RYR3: variants seen among roughly 807,000 people sequenced by gnomAD.
The protein encoded by RYR3 is ryanodine receptor 3.
RYR3 carries 207 observed loss-of-function variants against 584.3 expected under a neutral mutation model. That is an observed-to-expected ratio of 0.35 (90% confidence interval 0.32 to 0.40). The LOEUF (loss-of-function observed/expected upper bound fraction) is 0.40, where lower values mean the gene tolerates loss of function less well. Among genes scored for constraint, RYR3 ranks in the 10% least tolerant of loss-of-function variants. The pLI, the probability that RYR3 is intolerant of heterozygous loss-of-function variation, is 1.00. For missense variants in RYR3, 5,616 were observed against 6,089.2 expected, an observed-to-expected ratio of 0.92 and a Z score of 2.59; for synonymous variants, 2,416 against 2,248.5, an observed-to-expected ratio of 1.07 and a Z score of -2.11.
At chr15:33,489,654 G>C (rs1225350935) in intron 2 of RYR3, among the ~76,000 whole-genome samples, 6 of 152,104 alleles carry the variant, frequency 3.9e-5, no homozygotes, top group African/African-American at 1.4e-4. Context: ...TGTGAATAGT[G>C]CTACAATGAA....
intron 98 of RYR3, chr15:33,855,847 A>G (rs1264288213): frequency 1.3e-5 from 2 of 152,242 alleles, no homozygotes; most frequent in African/African-American, 2.4e-5. Context: ...GGCTATAACC[A>G]TATTAAAATC....
At chr15:33,721,940 G>A (rs2067960580) in intron 43 of RYR3, among the ~76,000 whole-genome samples, 1 of 152,096 alleles carries the variant, frequency 6.6e-6, no homozygotes, top group Non-Finnish European at 1.5e-5. Context: ...AAATGCCACA[G>A]AATACAATTC....
chr15:33,654,123 G>T (rs1461575197), intron 32 of RYR3, among the ~76,000 whole-genome samples: 1 of 152,140 alleles, frequency 6.6e-6, no homozygotes, highest in East Asian at 1.9e-4. Flanking sequence ...AGAGAACGCT[G>T]TACGAGTTCA....
chr15:33,769,161 A>G lies in RYR3; in HGVS notation c.8805A>G (p.Thr2935=). The change falls in exon 62 of 104, where the codon ACA becomes ACG. Residue 2935 remains threonine (T), a synonymous_variant. Transcript: ENST00000634891. ...GCTGTCTTCACATCTTAGCTCAGAC[A>G]CTTGACACAAGGTAAGTCTGCCCAG... The part of the protein sequence containing the change: ...MVSCLHILAQ[T]LDTRTVMKSG... 1.2e-6 allele frequency: 2 copies of G among 1,613,006 alleles called. No homozygotes were observed. The highest frequency in any genetic ancestry group is 8.5e-7 in the Non-Finnish European group (1 of 1,179,072).
chr15:33,400,480 G>C (rs2042580991), intron 1 of RYR3, among the ~76,000 whole-genome samples: 2 of 152,166 alleles, frequency 1.3e-5, no homozygotes, highest in South Asian at 4.2e-4. Context: ...CACGTGCTGG[G>C]GGAAAAGCAG....
chr15:33,545,808 G>T (rs1246834471), intron 8 of RYR3, among the ~76,000 whole-genome samples: 1 of 152,162 alleles, frequency 6.6e-6, no homozygotes, highest in Non-Finnish European at 1.5e-5. Flanking sequence ...AGGCATGCAG[G>T]TGTTCCATTG....
intron 1 of RYR3, among the ~76,000 whole-genome samples, chr15:33,407,173 G>A (rs2043082284): frequency 6.6e-6 from 1 of 152,214 alleles, no homozygotes; most frequent in Non-Finnish European, 1.5e-5. Context: ...ATTCATGAGG[G>A]CTTTGCCCTC....
At chr15:33,859,484 C>T (rs117620972) in intron 99 of RYR3, 91 bp from the exon 100 acceptor site, 6 of 1,473,086 alleles carry the variant, frequency 4.1e-6, no homozygotes, top group South Asian at 1.2e-5. Flanking sequence ...AGGGCTGCCA[C>T]AATCTGACCG....
chr15:33,788,762 C>T (rs977556723), intron 67 of RYR3, among the ~76,000 whole-genome samples: 1 of 152,202 alleles, frequency 6.6e-6, no homozygotes, highest in Non-Finnish European at 1.5e-5. Context: ...CTCTGCTGTT[C>T]ACTAACGTAT....
At chr15:33,409,425 T>C (rs1596014426) in intron 1 of RYR3, among the ~76,000 whole-genome samples, 1 of 151,752 alleles carries the variant, frequency 6.6e-6, no homozygotes, top group East Asian at 1.9e-4. Context: ...AGCTCTCTAC[T>C]CTCTGATACT....
At chr15:33,449,418 A>G (rs914547860) in intron 1 of RYR3, among the ~76,000 whole-genome samples, 26 of 152,190 alleles carry the variant, frequency 1.7e-4, no homozygotes, top group Admixed American at 1.4e-3. Context: ...AATCTTGGCA[A>G]TGACATCGTG....
At chr15:33,831,413 T>A (rs1372665847) in intron 86 of RYR3, among the ~76,000 whole-genome samples, 1 of 152,230 alleles carries the variant, frequency 6.6e-6, no homozygotes, top group Non-Finnish European at 1.5e-5. Context: ...TCTAGAAAAA[T>A]GTCTGGCATA....
chr15:33,738,307 G>C (rs947431273), intron 49 of RYR3, 143 bp from the exon 50 acceptor site: 4 of 769,602 alleles, frequency 5.2e-6, no homozygotes, highest in Admixed American at 5.6e-5. Context: ...TGTTTGAAGG[G>C]CCTCTTTGTA....
intron 38 of RYR3, among the ~76,000 whole-genome samples, chr15:33,688,668 C>A (rs113986258): frequency 2.6e-5 from 4 of 151,612 alleles, no homozygotes; most frequent in African/African-American, 9.7e-5. Context: ...ATCAAAACCA[C>A]AATGAAATAT....
At chr15:33,750,124 G>T in intron 56 of RYR3, 39 bp from the exon 57 acceptor site, 1 of 1,607,776 alleles carries the variant, frequency 6.2e-7, no homozygotes, top group Non-Finnish European at 8.5e-7. Context: ...GAAGTGCAAA[G>T]GAAGAGCCAA....
rs114694205 is a variant in RYR3 at position 33,860,680 on chromosome 15, A to C, written c.14364+21A>C. ...TGGAGGTAATGTTACTCTAACTACT[A>C]ATCCCAGCTCTATTTTAATATCCCC... is the stretch of plus-strand genomic sequence containing the variant. On this transcript the variant is annotated intron_variant, in intron 101 of 103. Transcript: ENST00000634891. 1.6e-3 allele frequency: 2,379 copies of C among 1,514,744 alleles called. 25 individuals carry two copies. In the African/African-American group the frequency reaches 0.025, roughly 16 times the overall value. 93.8% of individuals were successfully genotyped at this position (1,514,744 alleles called of 1,614,324 possible).
Position 33,855,026 on chromosome 15 carries a change from C to G in RYR3, c.14007+114C>G, listed in dbSNP as rs964820954. ...GGAATATGTCTTGGTATATAATGTA[C>G]TTTTCTTGGCCAAACACTTCAACTA... is the stretch of plus-strand genomic sequence containing the variant. On this transcript the variant is annotated intron_variant, in intron 98 of 103. Transcript: ENST00000634891. 3.6e-6 allele frequency: 4 copies of G among 1,101,644 alleles called. No homozygotes were observed. The African/African-American group carries it at 4.9e-5, about 13-fold the overall frequency. 68.2% of individuals were successfully genotyped at this position (1,101,644 alleles called of 1,614,324 possible). A position where few individuals can be genotyped will look rare whatever the true frequency, so the allele number is the denominator to read the frequency against.
chr15:33,409,789 T>C (rs2043278599), intron 1 of RYR3, among the ~76,000 whole-genome samples: 1 of 152,158 alleles, frequency 6.6e-6, no homozygotes, highest in African/African-American at 2.4e-5. Flanking sequence ...GAATTAAAAC[T>C]TATCTCTTAG....
At chr15:33,592,484 C>T (rs1221973611) in intron 16 of RYR3, among the ~76,000 whole-genome samples, 2 of 152,204 alleles carry the variant, frequency 1.3e-5, no homozygotes, top group Non-Finnish European at 2.9e-5. Flanking sequence ...TGTTGGATAT[C>T]TGTATCCAGT....
Sources: gnomAD v4.1 joint callset for allele counts (sites outside exome capture counted in the v4.1 genomes callset) on GRCh38, gnomAD v4.1.1 for gene constraint, MANE v1.5 for transcripts, NCBI Gene and HGNC (gene_info 2026-07-23, HGNC 2026-07-21) for gene names.